The following LRCH3 variants were observed in gnomAD, a reference collection of about 807,000 sequenced individuals.
LRCH3 encodes leucine rich repeats and calponin homology domain containing 3.
LRCH3 carries 68 observed loss-of-function variants against 104.5 expected under a neutral mutation model. The observed-to-expected ratio is 0.65, with a 90% CI of 0.54 to 0.80. LRCH3 has a LOEUF of 0.80. LRCH3 is among the 30% of genes least tolerant of loss of function. The pLI is 0.00. For missense variants in LRCH3, 951 were observed against 953.9 expected (o/e 1.00, Z 0.04); for synonymous variants, 344 against 361.3 (o/e 0.95, Z 0.54).
intron 19 of LRCH3, among the ~76,000 whole-genome samples, chr3:197,873,100 C>T (rs1712424996): frequency 6.6e-6 from 1 of 152,128 alleles, no homozygotes; most frequent in African/African-American, 2.4e-5. Flanking sequence ...GCATCAGTTT[C>T]AGGATGGCAG....
Position 197,791,491 on chromosome 3 carries a change from G to A in LRCH3, c.213G>A (p.Glu71=). The change falls in exon 1 of 21, where the codon GAG becomes GAA. Residue 71 remains glutamate (E), a synonymous_variant. Transcript: ENST00000425562. ...VLSLSGRKLR[E]FPRGAANHDL... ...GCCTGAGCGGCCGGAAACTGAGGGA[G>A]TTTCCCCGGGGAGCGGCCAACCACG... is the stretch of plus-strand genomic sequence containing the variant. The A allele has an allele frequency of 1.2e-6, 2 of 1,601,636 alleles. No individual in the cohort carries two copies. The highest frequency in any genetic ancestry group is 1.7e-6 in the Non-Finnish European group (2 of 1,175,626).
intron 1 of LRCH3, among the ~76,000 whole-genome samples, chr3:197,797,937 C>T (rs1731448199): frequency 6.7e-6 from 1 of 148,512 alleles, no homozygotes; most frequent in Non-Finnish European, 1.5e-5. Context: ...CCATAGTGAC[C>T]TTCTAAGTTA....
chr3:197,879,543 G>A (rs1396631443), intron 20 of LRCH3, among the ~76,000 whole-genome samples: 12 of 151,954 alleles, frequency 7.9e-5, no homozygotes, highest in Non-Finnish European at 1.3e-4. Flanking sequence ...CTGCTCGGGA[G>A]GCTGAGGCGG....
Position 197,866,167 on chromosome 3 carries a change from G to A in LRCH3, c.1821G>A (p.Gln607=), listed in dbSNP as rs765104551. Residue 607 remains glutamine, a synonymous_variant, in exon 17 of 21, where the codon CAG becomes CAA. Transcript: ENST00000425562. ...CTGCTATCCAGAGAAATCAGCCTCA[G>A]CGCCCTGAAAGCTTCCTTTTCCGAG... ...FPAAIQRNQP[Q]RPESFLFRAG... The A allele has an allele frequency of 6.2e-7, 1 of 1,614,076 alleles. No individual in the cohort carries two copies. Among genetic ancestry groups the A allele is most frequent in the Non-Finnish European group, 8.5e-7 (1 of 1,180,008 alleles).
intron 2 of LRCH3, 25 bp from the exon 3 acceptor site, chr3:197,817,151 T>C (rs750366399): frequency 6.3e-7 from 1 of 1,577,952 alleles, no homozygotes; most frequent in Middle Eastern, 1.7e-4. Flanking sequence ...CTCTGATTCT[T>C]CTCTCTTTCT....
At chr3:197,835,624 G>A in intron 8 of LRCH3, 50 bp from the exon 9 acceptor site, 1 of 1,399,774 alleles carries the variant, frequency 7.1e-7, no homozygotes, top group Non-Finnish European at 9.4e-7. Context: ...TAATTTGAAT[G>A]TTTTTTTCTG....
At chr3:197,868,595 C>T (rs1711628690) in intron 17 of LRCH3, among the ~76,000 whole-genome samples, 1 of 152,118 alleles carries the variant, frequency 6.6e-6, no homozygotes. Context: ...AACTGAATGT[C>T]CATCAAGAGA....
chr3:197,872,847 ACT>A (rs1239744128), intron 19 of LRCH3, among the ~76,000 whole-genome samples: 1 of 152,024 alleles, frequency 6.6e-6, no homozygotes, highest in African/African-American at 2.4e-5. Flanking sequence ...ACAGAGCGAG[ACT>A]CTGTCTCAAA....
chr3:197,834,946 C>T (rs763986661), intron 8 of LRCH3, among the ~76,000 whole-genome samples: 44 of 152,178 alleles, frequency 2.9e-4, no homozygotes, highest in Non-Finnish European at 4.4e-4. Context: ...GAGTTGGAGA[C>T]CAGCCTGGCC....
chr3:197,848,988 G>T (rs1739173998), intron 12 of LRCH3, among the ~76,000 whole-genome samples: 1 of 152,174 alleles, frequency 6.6e-6, no homozygotes, highest in Non-Finnish European at 1.5e-5. Context: ...ATCTGGCCGG[G>T]TGTGGTGGCT....
rs1260516088 is a variant in LRCH3, at chr3:197,883,100, A to G, written c.2209-441A>G. ...GAGTTATGTTTTCAAACTATCTTTC[A>G]TTCTTGTGGTAGGGAACTTACCCTC... On this transcript the variant is annotated intron_variant, in intron 20 of 20. Transcript: ENST00000425562. The surrounding 1 kb of genome is among the most constrained non-coding windows in gnomAD (Gnocchi z 4.2). The G allele has an allele frequency of 4.1e-6, 4 of 985,970 alleles. No homozygotes were observed. Among genetic ancestry groups the G allele is most frequent in the Non-Finnish European group, 4.8e-6 (4 of 830,450 alleles). The allele number at this position is 985,970 out of a possible 1,614,324, so 61.1% of individuals were successfully genotyped here.
chr3:197,852,119 T>C (rs1034107498), intron 12 of LRCH3, among the ~76,000 whole-genome samples: 1 of 152,208 alleles, frequency 6.6e-6, no homozygotes, highest in African/African-American at 2.4e-5. Flanking sequence ...TATAATGTTA[T>C]TATTAGATTA....
intron 20 of LRCH3, chr3:197,876,392 T>C (rs1484794586): frequency 6.6e-6 from 1 of 152,248 alleles, no homozygotes; most frequent in Non-Finnish European, 1.5e-5. Context: ...TGTCCTGCTA[T>C]GAGGATTTAT....
intron 20 of LRCH3, among the ~76,000 whole-genome samples, chr3:197,876,803 A>G (rs181044209): frequency 2.1e-4 from 30 of 143,992 alleles, no homozygotes; most frequent in African/African-American, 7.8e-4. Flanking sequence ...TGTAGCTTCC[A>G]TGACAGTGAT....
intron 15 of LRCH3, among the ~76,000 whole-genome samples, chr3:197,862,072 A>G (rs1740945719): frequency 6.6e-6 from 1 of 152,088 alleles, no homozygotes; most frequent in South Asian, 2.1e-4. Flanking sequence ...TCAGCTCACT[A>G]CAAACCTCTG....
chr3:197,883,686 C>T lies in LRCH3; in HGVS notation c.*20C>T, dbSNP rs558466532. ...GTTTGAGGATCCCCAGGACGGTGGG[C>T]ACTGGCCTGGCCAAAACAAGGAACA... On this transcript the variant is annotated 3_prime_UTR_variant, in exon 21 of 21. Transcript: ENST00000425562. This position sits in a 1 kb window ranked among gnomAD's most constrained non-coding sequence, Gnocchi z 4.2. The T allele has an allele frequency of 2.5e-5, 38 of 1,532,482 alleles. No homozygotes were observed. In the South Asian group the frequency reaches 4.6e-4, roughly 18 times the overall value. The allele number at this position is 1,532,482 out of a possible 1,614,324, so 94.9% of individuals were successfully genotyped here. A position where few individuals can be genotyped will look rare whatever the true frequency, so the allele number is the denominator to read the frequency against.
intron 12 of LRCH3, chr3:197,850,595 G>C (rs1213025056): frequency 6.3e-7 from 1 of 1,585,300 alleles, no homozygotes; most frequent in East Asian, 2.2e-5. Context: ...CAGGTGCTTT[G>C]TTCACTTGGA....
chr3:197,804,128 G>A (rs1444459065), intron 1 of LRCH3, among the ~76,000 whole-genome samples: 2 of 151,948 alleles, frequency 1.3e-5, no homozygotes, highest in African/African-American at 4.8e-5. Context: ...GCGTGGTGGC[G>A]TGCACCTCTA....
At chr3:197,846,060 G>A (rs992913158) in intron 10 of LRCH3, among the ~76,000 whole-genome samples, 2 of 152,118 alleles carry the variant, frequency 1.3e-5, no homozygotes, top group African/African-American at 4.8e-5. Flanking sequence ...TTTTAACAGT[G>A]AAATTAGTAA....
Sources: gnomAD v4.1 joint callset for allele counts (sites outside exome capture counted in the v4.1 genomes callset) on GRCh38, gnomAD v4.1.1 for gene constraint, Gnocchi (gnomAD v3.1) non-coding constraint, MANE v1.5 for transcripts, NCBI Gene and HGNC (gene_info 2026-07-23, HGNC 2026-07-21) for gene names.